Variants in CACNA2D3 observed in about 807,000 individuals in gnomAD.
CACNA2D3 encodes the protein calcium voltage-gated channel auxiliary subunit alpha2delta 3.
A neutral mutation model predicts 160.6 loss-of-function variants in CACNA2D3; 60 were observed. The ratio of observed to expected loss-of-function variants is 0.37; its 90% CI spans 0.30 to 0.46. CACNA2D3 has a LOEUF of 0.46. Ranked by LOEUF, CACNA2D3 falls within the 20% of genes least tolerant of loss-of-function variation. CACNA2D3 has a pLI of 1.00. For missense variants in CACNA2D3, 1,205 were observed against 1,365.0 expected (o/e 0.88, Z 1.85); for synonymous variants, 558 against 492.9 (o/e 1.13, Z -1.75).
intron 2 of CACNA2D3, among the ~76,000 whole-genome samples, chr3:54,182,831 A>G (rs1312896728): frequency 6.6e-6 from 1 of 152,190 alleles, no homozygotes; most frequent in African/African-American, 2.4e-5. Context: ...ATAGCTCAAG[A>G]GACAATTTGA....
At chr3:54,403,147 A>G (rs775473756) in intron 4 of CACNA2D3, among the ~76,000 whole-genome samples, 9 of 151,998 alleles carry the variant, frequency 5.9e-5, no homozygotes, top group Non-Finnish European at 1.2e-4. Context: ...GATCACTTGA[A>G]GAGTTCGAGA....
At chr3:54,511,170 C>T (rs1377230196) in intron 5 of CACNA2D3, among the ~76,000 whole-genome samples, 2 of 152,248 alleles carry the variant, frequency 1.3e-5, no homozygotes, top group Non-Finnish European at 2.9e-5. Flanking sequence ...AGCCTGGCTC[C>T]ATGGCTGCCA....
At chr3:54,634,701 T>TG (rs1301983660) in intron 10 of CACNA2D3, 12 of 151,978 alleles carry the variant, frequency 7.9e-5, no homozygotes, top group African/African-American at 2.7e-4. Context: ...AGGTGCTCAG[T>TG]GGGGGTGCTT....
chr3:54,816,417 C>A (rs958203290), intron 13 of CACNA2D3, among the ~76,000 whole-genome samples: 5 of 152,190 alleles, frequency 3.3e-5, no homozygotes, highest in Non-Finnish European at 7.3e-5. Context: ...TAGAGGCCAA[C>A]AGCTCTCGCT....
At chr3:54,340,272 C>G (rs1704485852) in intron 3 of CACNA2D3, among the ~76,000 whole-genome samples, 1 of 152,126 alleles carries the variant, frequency 6.6e-6, no homozygotes, top group Non-Finnish European at 1.5e-5. Context: ...CACCCATACA[C>G]CCCCCATTCA....
intron 29 of CACNA2D3, among the ~76,000 whole-genome samples, chr3:54,976,003 ATC>A (rs1162990325): frequency 2.6e-5 from 4 of 151,852 alleles, no homozygotes; most frequent in Non-Finnish European, 5.9e-5. Flanking sequence ...GTCAGACAAG[ATC>A]TGTCTTAGGT....
At chr3:54,188,483 C>A (rs932053635) in intron 2 of CACNA2D3, among the ~76,000 whole-genome samples, 1 of 152,186 alleles carries the variant, frequency 6.6e-6, no homozygotes, top group Non-Finnish European at 1.5e-5. Context: ...AGGACTGCAC[C>A]CATGCCATGC....
chr3:54,732,655 C>T (rs1316287117), intron 11 of CACNA2D3, among the ~76,000 whole-genome samples: 1 of 152,146 alleles, frequency 6.6e-6, no homozygotes, highest in Non-Finnish European at 1.5e-5. Context: ...TTATTGATTT[C>T]CCAGTACTTT....
intron 2 of CACNA2D3, among the ~76,000 whole-genome samples, chr3:54,255,216 T>A (rs1348631989): frequency 6.6e-6 from 1 of 152,252 alleles, no homozygotes; most frequent in African/African-American, 2.4e-5. Flanking sequence ...ATTCTGGCGT[T>A]AAAACCGTCT....
chr3:55,052,608 ATTTG>A (rs1704254796), intron 35 of CACNA2D3, among the ~76,000 whole-genome samples: 1 of 151,970 alleles, frequency 6.6e-6, no homozygotes, highest in Non-Finnish European at 1.5e-5. Flanking sequence ...GTAATTGTAG[ATTTG>A]TTTATTTCTC....
rs531510319 is a variant in CACNA2D3 at position 54,287,863 on chromosome 3, G to A, written c.205-32579G>A. On this transcript the variant is annotated intron_variant, in intron 2 of 37. Transcript: ENST00000474759. ...ACGAAATGAAGGCAGAAATAAAGAT[G>A]TTCTTTGAAACCAACGAGAACAAAG... is the stretch of plus-strand genomic sequence containing the variant. Among the ~76,000 whole-genome samples the A allele has an allele frequency of 5.9e-4, 88 of 149,868 alleles. No individual in the cohort carries two copies. In the East Asian group the frequency reaches 0.016, roughly 27 times the overall value.
At chr3:54,248,057 G>A (rs2107418655) in intron 2 of CACNA2D3, among the ~76,000 whole-genome samples, 1 of 152,308 alleles carries the variant, frequency 6.6e-6, no homozygotes, top group East Asian at 1.9e-4. Context: ...ACTGTAAGCT[G>A]TTATGGACTC....
At chr3:54,953,176 A>G (rs761121845) in intron 27 of CACNA2D3, among the ~76,000 whole-genome samples, 1 of 152,236 alleles carries the variant, frequency 6.6e-6, no homozygotes, top group Non-Finnish European at 1.5e-5. Flanking sequence ...TGCTAGGCTC[A>G]TGACATACAT....
intron 13 of CACNA2D3, among the ~76,000 whole-genome samples, chr3:54,786,145 T>G: frequency 6.6e-6 from 1 of 152,222 alleles, no homozygotes; most frequent in South Asian, 2.1e-4. Context: ...CACTTCTTGT[T>G]CTTGTTAGCA....
intron 4 of CACNA2D3, among the ~76,000 whole-genome samples, chr3:54,412,376 G>A (rs963984413): frequency 1.3e-5 from 2 of 151,880 alleles, no homozygotes; most frequent in Non-Finnish European, 1.5e-5. Flanking sequence ...TATCTGTTTA[G>A]TTCTGATGGA....
At chr3:54,492,133 C>G (rs1415256816) in intron 4 of CACNA2D3, among the ~76,000 whole-genome samples, 1 of 152,148 alleles carries the variant, frequency 6.6e-6, no homozygotes, top group Non-Finnish European at 1.5e-5. Flanking sequence ...TGGGCTGGAG[C>G]AATGGATTCC....
intron 11 of CACNA2D3, among the ~76,000 whole-genome samples, chr3:54,676,217 C>T (rs1414387865): frequency 2.0e-5 from 3 of 152,188 alleles, no homozygotes; most frequent in Non-Finnish European, 2.9e-5. Flanking sequence ...CCTTTCCTCC[C>T]CTTTCCCAGC....
chr3:54,867,538 A>AAAT (rs1157214679), intron 17 of CACNA2D3, among the ~76,000 whole-genome samples: 1 of 151,474 alleles, frequency 6.6e-6, no homozygotes, highest in African/African-American at 2.4e-5. Flanking sequence ...TAAAAAAAAA[A>AAAT]AAAAGGCCTT....
chr3:54,358,599 A>G (rs1479770859), intron 3 of CACNA2D3, among the ~76,000 whole-genome samples: 2 of 152,168 alleles, frequency 1.3e-5, no homozygotes, highest in African/African-American at 4.8e-5. Context: ...CCAGGATGAG[A>G]GACCTCCTAG....
Sources: allele counts gnomAD v4.1 joint callset (sites outside exome capture counted in the v4.1 genomes callset), GRCh38; gene constraint gnomAD v4.1.1; transcripts MANE v1.5; gene names NCBI Gene and HGNC (gene_info 2026-07-23, HGNC 2026-07-21).